The following MYT1L variants were observed in gnomAD, a reference collection of about 807,000 sequenced individuals.
The protein encoded by MYT1L is myelin transcription factor 1 like, also known as myelin transcription factor 1-like protein.
In MYT1L, 12 loss-of-function variants were observed where a neutral mutation model predicts 126.7. That is an observed-to-expected ratio of 0.09 (90% CI 0.06 to 0.15). The LOEUF (loss-of-function observed/expected upper bound fraction) is 0.15, where lower values mean the gene tolerates loss of function less well. MYT1L is among the 10% of genes least tolerant of loss of function. The probability of loss-of-function intolerance (pLI) is 1.00; values close to 1 mark genes in which losing one functional copy is unlikely to be tolerated. For missense variants in MYT1L, 979 were observed against 1,585.2 expected (o/e 0.62, Z 6.49); for synonymous variants, 541 against 604.2 (o/e 0.90, Z 1.53).
At chr2:2,312,770 C>G (rs750270932) in intron 1 of MYT1L, among the ~76,000 whole-genome samples, 1 of 152,056 alleles carries the variant, frequency 6.6e-6, no homozygotes, top group African/African-American at 2.4e-5. Flanking sequence ...CAGAGGAGAA[C>G]ATATTCATTG....
intron 1 of MYT1L, among the ~76,000 whole-genome samples, chr2:2,322,536 G>A (rs895910227): frequency 1.3e-5 from 2 of 151,920 alleles, no homozygotes; most frequent in African/African-American, 2.4e-5. Flanking sequence ...CAAATGTGAC[G>A]GAGAGTGGCA....
chr2:2,048,547 A>G (rs1314326148), intron 4 of MYT1L, among the ~76,000 whole-genome samples: 3 of 152,176 alleles, frequency 2.0e-5, no homozygotes, highest in South Asian at 4.1e-4. Flanking sequence ...CACACACCAG[A>G]GGTAGGTGGT....
In MYT1L at chr2:2,177,111, G is replaced by A. The variant is rs191742536; in HGVS notation, c.-420-4123C>T. On this transcript the variant is annotated intron_variant, in intron 2 of 24. Transcript: ENST00000647738. ...GAGCCTTCCCCGTCTGCTGTGTAGC[G>A]GGGACGATGTCGTCAACAGGACTGT... 1.7e-3 allele frequency among the ~76,000 whole-genome samples: 257 copies of A among 152,274 alleles called. 1 individual carries two copies. The highest frequency in any genetic ancestry group is 5.5e-3 in the African/African-American group (227 of 41,562).
Position 2,092,191 on chromosome 2 carries a change from T to C in MYT1L, c.-303-38068A>G, listed in dbSNP as rs530400283. ...GCTTAATCATTTCTAGCTTTAAATT[T>C]AACATAAGGGACATAAAACTCTTCC... On this transcript the variant is annotated intron_variant, in intron 3 of 24. Coordinates refer to ENST00000647738, the MANE Select transcript of MYT1L (RefSeq NM_001303052.2). Among the ~76,000 whole-genome samples, 22 of 152,332 alleles carry C rather than the reference T, an allele frequency of 1.4e-4. No individual in the cohort carries two copies. In the South Asian group the frequency reaches 4.6e-3, roughly 32 times the overall value.
At chr2:1,876,697 C>T (rs149738226) in intron 18 of MYT1L, among the ~76,000 whole-genome samples, 34 of 152,324 alleles carry the variant, frequency 2.2e-4, no homozygotes, top group African/African-American at 4.6e-4. Context: ...GCCAGGGCTC[C>T]GGACTGGCCT....
At chr2:2,080,239 G>A (rs563916170) in intron 3 of MYT1L, among the ~76,000 whole-genome samples, 12 of 152,194 alleles carry the variant, frequency 7.9e-5, no homozygotes, top group African/African-American at 2.4e-4. Context: ...CTATTAGTAA[G>A]TCTTTGTGTC....
intron 19 of MYT1L, among the ~76,000 whole-genome samples, chr2:1,849,409 C>T (rs1173370514): frequency 6.6e-6 from 1 of 152,204 alleles, no homozygotes; most frequent in East Asian, 1.9e-4. Context: ...CGGCGCGACT[C>T]ACTCGTGTTC....
rs550370438 is a variant in MYT1L, at chr2:2,263,937, C to T, written c.-421+20467G>A. ...CAAATCTGCACATTGTGCACATGTA[C>T]CTAGAACTCAAAGTATAATTTTAAA... is the stretch of plus-strand genomic sequence containing the variant. On this transcript the variant is annotated intron_variant, in intron 2 of 24. Transcript: ENST00000647738. Among the ~76,000 whole-genome samples the T allele has an allele frequency of 4.6e-5, 7 of 152,232 alleles. No individual in the cohort carries two copies. The South Asian group carries it at 1.5e-3, about 32-fold the overall frequency.
intron 1 of MYT1L, among the ~76,000 whole-genome samples, chr2:2,311,199 A>G (rs980929627): frequency 6.6e-6 from 1 of 152,236 alleles, no homozygotes; most frequent in African/African-American, 2.4e-5. Context: ...ACCACATAAG[A>G]GTCAGAAAAG....
In MYT1L at chr2:2,049,555, TATAG is replaced by T. The variant is rs112632625; in HGVS notation, c.-158+4419_-158+4422del. Among the ~76,000 whole-genome samples the T allele has an allele frequency of 9.9e-3, 1,513 of 152,312 alleles. 23 individuals carry two copies. Among genetic ancestry groups the T allele is most frequent in the African/African-American group, 0.031 (1,279 of 41,546 alleles). On this transcript the variant is annotated intron_variant, in intron 4 of 24. Coordinates refer to ENST00000647738, the MANE Select transcript of MYT1L (RefSeq NM_001303052.2). ...ATTTTCTCCTAACATAAATTATGAA[TATAG>T]ATAGATAGATAAATAGACAGATAGA...
chr2:1,922,836 C>T lies in MYT1L; in HGVS notation c.933G>A (p.Met311Ile). The T allele has an allele frequency of 6.2e-7, 1 of 1,614,034 alleles. No homozygotes were observed. The highest frequency in any genetic ancestry group is 1.3e-5 in the African/African-American group (1 of 75,052). The change falls in exon 10 of 25, where the codon ATG (methionine) becomes ATA (isoleucine). Residue 311 changes from methionine to isoleucine, a missense_variant. Transcript: ENST00000647738. The surrounding 1 kb of genome is among the most constrained non-coding windows in gnomAD (Gnocchi z 7.4). ...MLGKPMNNGL[M>I]EKMVEESDEE... The stretch of plus-strand genomic sequence containing the variant: ...CATCGCTCTCCTCCACCATCTTTTC[C>T]ATGAGTCCGTTGTTCATGGGCTTCC...
chr2:2,092,871 T>C (rs2077039192), intron 3 of MYT1L, among the ~76,000 whole-genome samples: 1 of 152,164 alleles, frequency 6.6e-6, no homozygotes, highest in Admixed American at 6.5e-5. Context: ...CCCTTGTTTA[T>C]GGTATGGAGC....
chr2:2,160,837 G>C (rs2087755052), intron 3 of MYT1L, among the ~76,000 whole-genome samples: 1 of 152,156 alleles, frequency 6.6e-6, no homozygotes, highest in Admixed American at 6.6e-5. Flanking sequence ...GGAGGAGAAG[G>C]AAGGAAAGGC....
At chr2:1,826,202 G>A (rs2039311012) in intron 21 of MYT1L, 1 of 152,366 alleles carries the variant, frequency 6.6e-6, no homozygotes, top group Non-Finnish European at 1.5e-5. Context: ...CAGGGCCTGG[G>A]TTTAAGCTGC....
chr2:2,196,535 CATT>C (rs2092805547), intron 2 of MYT1L, among the ~76,000 whole-genome samples: 2 of 151,080 alleles, frequency 1.3e-5, no homozygotes, highest in Admixed American at 6.6e-5. Context: ...CCATATATCA[CATT>C]ATAATATGTG....
chr2:1,902,531 C>T (rs746718781), intron 14 of MYT1L, among the ~76,000 whole-genome samples: 5 of 152,174 alleles, frequency 3.3e-5, no homozygotes, highest in African/African-American at 7.2e-5. Context: ...GCCGTAGTGT[C>T]GTGCAGGGAG....
At chr2:2,138,035 G>C (rs1468895682) in intron 3 of MYT1L, among the ~76,000 whole-genome samples, 1 of 152,182 alleles carries the variant, frequency 6.6e-6, no homozygotes, top group Non-Finnish European at 1.5e-5. Flanking sequence ...CAAAGGACAT[G>C]AACAGACACT....
chr2:2,246,754 T>G (rs528985191), intron 2 of MYT1L, among the ~76,000 whole-genome samples: 68 of 152,334 alleles, frequency 4.5e-4, no homozygotes, highest in African/African-American at 1.6e-3. Context: ...TTGATTTACA[T>G]CTGAAGATGA....
At chr2:2,229,716 A>T (rs2094115661) in intron 2 of MYT1L, among the ~76,000 whole-genome samples, 1 of 152,024 alleles carries the variant, frequency 6.6e-6, no homozygotes, top group South Asian at 2.1e-4. Flanking sequence ...TTCTATGTAT[A>T]TGTATGTATA....
Sources: gnomAD v4.1 joint callset for allele counts (sites outside exome capture counted in the v4.1 genomes callset) on GRCh38, gnomAD v4.1.1 for gene constraint, Gnocchi (gnomAD v3.1) non-coding constraint, MANE v1.5 for transcripts, NCBI Gene and HGNC (gene_info 2026-07-23, HGNC 2026-07-21) for gene names.